COP1: variants seen among roughly 807,000 people sequenced by gnomAD.
COP1 encodes E3 ubiquitin-protein ligase COP1.
In COP1, 24 loss-of-function variants were observed where a neutral mutation model predicts 101.3. The observed-to-expected ratio is 0.24, with a 90% CI of 0.17 to 0.33. The LOEUF is 0.33. Ranked by LOEUF, COP1 falls within the 10% of genes least tolerant of loss-of-function variation. COP1 has a pLI of 1.00. For missense variants in COP1, 663 were observed against 906.2 expected, an observed-to-expected ratio of 0.73 and a Z score of 3.45; for synonymous variants, 347 against 341.9, an observed-to-expected ratio of 1.01 and a Z score of -0.17.
intron 18 of COP1, among the ~76,000 whole-genome samples, chr1:175,960,223 G>A (rs1558162737): frequency 1.3e-5 from 2 of 152,180 alleles, no homozygotes; most frequent in Admixed American, 6.5e-5. Flanking sequence ...GAGTGACAGA[G>A]TAGATTAAAT....
intron 11 of COP1, among the ~76,000 whole-genome samples, chr1:176,059,687 TAGTC>T (rs984756832): frequency 9.9e-5 from 15 of 152,244 alleles, no homozygotes; most frequent in Admixed American, 8.5e-4. Context: ...TTCACCATGT[TAGTC>T]AGGCCGGTCT....
chr1:175,974,095 A>C (rs1653926211), intron 18 of COP1, among the ~76,000 whole-genome samples: 1 of 152,218 alleles, frequency 6.6e-6, no homozygotes, highest in South Asian at 2.1e-4. Flanking sequence ...AACAGATTTT[A>C]AACAGTGAGA....
chr1:176,151,338 G>A (rs1195062583), intron 5 of COP1, among the ~76,000 whole-genome samples: 32 of 97,500 alleles, frequency 3.3e-4, no homozygotes, highest in Admixed American at 9.1e-4. Context: ...AAAGAAAGAA[G>A]GAAGGAAAGA....
chr1:176,136,575 A>C (rs78258869), intron 6 of COP1, 28 bp from the exon 7 acceptor site: 2 of 296,080 alleles, frequency 6.8e-6, no homozygotes, highest in South Asian at 1.1e-4. Context: ...AGAGAAAGAC[A>C]AAAAAAAAAA....
intron 3 of COP1, among the ~76,000 whole-genome samples, chr1:176,166,066 G>A (rs1374138525): frequency 6.6e-6 from 1 of 152,136 alleles, no homozygotes; most frequent in Non-Finnish European, 1.5e-5. Context: ...AATACTGTAA[G>A]ATCAAACATT....
rs539134292 is a variant in COP1 at position 176,125,897 on chromosome 1, T to C, written c.968+9113A>G. On this transcript the variant is annotated intron_variant, in intron 8 of 19. Transcript: ENST00000367669. The stretch of plus-strand genomic sequence containing the variant: ...AGTTTTTTGTGTCTTCTTCAATTTC[T>C]TTCATCAGTGCTTTATAGTTTTCAT... Among the ~76,000 whole-genome samples the C allele has an allele frequency of 3.9e-5, 6 of 152,320 alleles. No individual in the cohort carries two copies. The South Asian group carries it at 1.2e-3, about 32-fold the overall frequency.
At chr1:176,057,699 C>T (rs995342679) in intron 11 of COP1, among the ~76,000 whole-genome samples, 1 of 152,202 alleles carries the variant, frequency 6.6e-6, no homozygotes, top group African/African-American at 2.4e-5. Context: ...CTCCACCTCC[C>T]AGCAGCCTGC....
chr1:176,022,030 T>A (rs181503540), intron 15 of COP1, among the ~76,000 whole-genome samples: 1 of 152,242 alleles, frequency 6.6e-6, no homozygotes, highest in Non-Finnish European at 1.5e-5. Flanking sequence ...ATTTGAATTA[T>A]CTTAGCATTT....
intron 4 of COP1, among the ~76,000 whole-genome samples, 157 bp from the exon 5 acceptor site, chr1:176,163,145 C>CTACT (rs1390460765): frequency 6.6e-6 from 1 of 152,126 alleles, no homozygotes. Context: ...TAGTGGCTCC[C>CTACT]TACTGTCTTA....
chr1:175,954,924 T>TAA (rs944536557), intron 18 of COP1, among the ~76,000 whole-genome samples: 12 of 151,556 alleles, frequency 7.9e-5, no homozygotes, highest in African/African-American at 2.9e-4. Flanking sequence ...TTTTCAACAT[T>TAA]AAAAAATATA....
At chr1:176,072,654 T>C (rs770953310) in intron 11 of COP1, among the ~76,000 whole-genome samples, 2 of 152,224 alleles carry the variant, frequency 1.3e-5, no homozygotes, top group South Asian at 4.1e-4. Context: ...TTTTTAAGTA[T>C]AAATTTAAAG....
chr1:176,199,665 A>G (rs1700075252), intron 1 of COP1, among the ~76,000 whole-genome samples: 3 of 152,238 alleles, frequency 2.0e-5, no homozygotes, highest in African/African-American at 7.2e-5. Context: ...GAAAGAAACC[A>G]GACACAAAAG....
At chr1:176,035,710 C>CAAAAAAA (rs71129541) in intron 14 of COP1, among the ~76,000 whole-genome samples, 2 of 73,096 alleles carry the variant, frequency 2.7e-5, no homozygotes, top group African/African-American at 1.4e-4. Flanking sequence ...AAAACGAGAC[C>CAAAAAAA]AAAAAAAAAA....
intron 6 of COP1, among the ~76,000 whole-genome samples, chr1:176,142,034 ATTTTG>A (rs1359123108): frequency 6.6e-6 from 1 of 152,116 alleles, no homozygotes; most frequent in Non-Finnish European, 1.5e-5. Flanking sequence ...CCCAGCCAAC[ATTTTG>A]TTTTAAGCTG....
chr1:176,037,458 A>G (rs1669770490), intron 14 of COP1, among the ~76,000 whole-genome samples: 3 of 151,716 alleles, frequency 2.0e-5, no homozygotes, highest in Admixed American at 1.3e-4. Context: ...AGAAGAGGAA[A>G]ATCATTTTAT....
intron 8 of COP1, among the ~76,000 whole-genome samples, chr1:176,119,533 C>A (rs1213127859): frequency 6.6e-6 from 1 of 151,872 alleles, no homozygotes; most frequent in Non-Finnish European, 1.5e-5. Flanking sequence ...TTATTTTCTA[C>A]CAGGTCTTAA....
At chr1:176,203,679 A>G (rs542281032) in intron 1 of COP1, among the ~76,000 whole-genome samples, 1 of 152,368 alleles carries the variant, frequency 6.6e-6, no homozygotes, top group South Asian at 2.1e-4. Flanking sequence ...CTCCATCAAT[A>G]AAACACTGTT....
intron 15 of COP1, among the ~76,000 whole-genome samples, chr1:176,019,941 T>A (rs773128264): frequency 2.0e-5 from 3 of 152,202 alleles, no homozygotes; most frequent in Non-Finnish European, 4.4e-5. Flanking sequence ...GATTTGTTTA[T>A]TTTAATTTTA....
chr1:176,143,880 A>C (rs1237596022), intron 6 of COP1, among the ~76,000 whole-genome samples: 2 of 152,146 alleles, frequency 1.3e-5, no homozygotes, highest in Non-Finnish European at 2.9e-5. Flanking sequence ...CAGATGCACA[A>C]AAATTCTGGA....
Sources: gnomAD v4.1 joint callset for allele counts (sites outside exome capture counted in the v4.1 genomes callset) on GRCh38, gnomAD v4.1.1 for gene constraint, MANE v1.5 for transcripts, NCBI Gene and HGNC (gene_info 2026-07-23, HGNC 2026-07-21) for gene names.